UGGT2: variants seen among roughly 807,000 people sequenced by gnomAD.
The protein encoded by UGGT2 is UDP-glucose glycoprotein glucosyltransferase 2, also known as UDP-glucose:glycoprotein glucosyltransferase 2.
In UGGT2, 180 loss-of-function variants were observed where a neutral mutation model predicts 192.1. The ratio of observed to expected loss-of-function variants is 0.94; its 90% CI spans 0.83 to 1.06. The LOEUF (loss-of-function observed/expected upper bound fraction) is 1.06, where lower values mean the gene tolerates loss of function less well. Among genes scored for constraint, UGGT2 ranks in the 50% least tolerant of loss-of-function variants. The probability of loss-of-function intolerance (pLI) is 0.00; values close to 1 mark genes in which losing one functional copy is unlikely to be tolerated. For synonymous variants in UGGT2, 580 were observed against 591.0 expected, an observed-to-expected ratio of 0.98 and a Z score of 0.27; for missense variants, 1,849 against 1,795.7, an observed-to-expected ratio of 1.03 and a Z score of -0.54.
At chr13:95,968,108 A>G (rs1054046752) in intron 12 of UGGT2, among the ~76,000 whole-genome samples, 1 of 152,098 alleles carries the variant, frequency 6.6e-6, no homozygotes, top group African/African-American at 2.4e-5. Flanking sequence ...AATTATATTG[A>G]TCATGTTGTA....
At chr13:95,995,558 T>G (rs1162674447) in intron 7 of UGGT2, among the ~76,000 whole-genome samples, 3 of 152,054 alleles carry the variant, frequency 2.0e-5, no homozygotes, top group Non-Finnish European at 4.4e-5. Flanking sequence ...TTATCAACTA[T>G]TTTCCTGAAA....
intron 12 of UGGT2, among the ~76,000 whole-genome samples, chr13:95,965,644 A>G (rs1384763774): frequency 7.0e-6 from 1 of 143,382 alleles, no homozygotes; most frequent in African/African-American, 2.5e-5. Context: ...CTAATGCTAA[A>G]TGACGAGTTA....
At chr13:95,908,068 C>G (rs1176700444) in intron 20 of UGGT2, among the ~76,000 whole-genome samples, 3 of 152,106 alleles carry the variant, frequency 2.0e-5, no homozygotes, top group Non-Finnish European at 4.4e-5. Context: ...CGTGATGGAG[C>G]TGAAAACCAT....
At position 95,863,700 on chromosome 13, in the gene UGGT2, T is replaced by G; in HGVS notation, c.3573A>C (p.Thr1191=). ...KILKVKVKKE[T]DKIKEDILTD... is the part of the protein sequence containing the mutation. ...TAAGGATATCTTCCTTAATTTTGTC[T>G]GTTTCTTTTTTCACCTAGATAGCAT... Residue 1191 remains threonine, a synonymous_variant, in exon 31 of 39, where the codon ACA becomes ACC. Transcript: ENST00000376747. 6.2e-7 allele frequency: 1 copy of G among 1,612,642 alleles called. No homozygotes were observed. The highest frequency in any genetic ancestry group is 8.5e-7 in the Non-Finnish European group (1 of 1,179,044).
chr13:95,976,976 C>T (rs959132475), intron 10 of UGGT2, among the ~76,000 whole-genome samples: 7 of 152,086 alleles, frequency 4.6e-5, no homozygotes, highest in Admixed American at 4.6e-4. Context: ...ATAAATGGTG[C>T]TAGGAAAACT....
chr13:95,964,421 G>C (rs1208900501), intron 12 of UGGT2, among the ~76,000 whole-genome samples: 3 of 152,066 alleles, frequency 2.0e-5, no homozygotes, highest in South Asian at 2.1e-4. Context: ...AAGATTTTAT[G>C]GCTAAGACCT....
At chr13:95,897,323 TG>T (rs1259387808) in intron 22 of UGGT2, among the ~76,000 whole-genome samples, 1 of 152,248 alleles carries the variant, frequency 6.6e-6, no homozygotes. Context: ...ACCCTGCTTT[TG>T]TTCCCTACTC....
At chr13:95,999,379 C>T (rs1190655644) in intron 5 of UGGT2, 72 bp from the exon 6 acceptor site, 22 of 1,362,874 alleles carry the variant, frequency 1.6e-5, no homozygotes, top group African/African-American at 5.8e-5. Context: ...GTCAGTACCA[C>T]GATGTATTTG....
At chr13:96,031,219 A>C (rs566141830) in intron 2 of UGGT2, among the ~76,000 whole-genome samples, 1 of 152,248 alleles carries the variant, frequency 6.6e-6, no homozygotes, top group Non-Finnish European at 1.5e-5. Flanking sequence ...CTCTAAAAAA[A>C]TTAAGTCTAC....
chr13:96,035,128 C>A (rs1409651870), intron 1 of UGGT2, among the ~76,000 whole-genome samples: 2 of 152,148 alleles, frequency 1.3e-5, no homozygotes, highest in Non-Finnish European at 2.9e-5. Context: ...GCAAAAAGAA[C>A]AAAGCTGGAG....
At chr13:95,801,942 T>C in intron 38 of UGGT2, 130 bp from the exon 39 acceptor site, 1 of 969,884 alleles carries the variant, frequency 1.0e-6, no homozygotes, top group Non-Finnish European at 1.6e-6. Context: ...AGTACCTATA[T>C]GCTTCATTAC....
rs1050972164 is a variant in UGGT2 at position 96,053,226 on chromosome 13, G to A, written c.87C>T (p.Val29=). The change falls in exon 1 of 39, where the codon GTC becomes GTT. Residue 29 remains valine (V), a synonymous_variant. Transcript: ENST00000376747. Reference sequence around the variant, plus strand: ...GGGCAGTCACCGACTTGGACGCGGCGACCGTCCCGGAGCCGAGCTGCGAAA... The same window carrying A: ...GGGCAGTCACCGACTTGGACGCGGCAACCGTCCCGGAGCCGAGCTGCGAAA... ...LWLSQLGSGT[V]AASKSVTAHL... 14 of 1,541,746 alleles carry A rather than the reference G, an allele frequency of 9.1e-6. No individual in the cohort carries two copies. The African/African-American group carries it at 1.8e-4, about 20-fold the overall frequency.
intron 38 of UGGT2, among the ~76,000 whole-genome samples, chr13:95,827,712 A>T (rs1163101706): frequency 6.6e-6 from 1 of 152,084 alleles, no homozygotes. Context: ...TCTGGACAGA[A>T]GTATGGTTAA....
At chr13:95,955,486 C>T (rs1367073872) in intron 12 of UGGT2, among the ~76,000 whole-genome samples, 4 of 152,152 alleles carry the variant, frequency 2.6e-5, no homozygotes, top group Admixed American at 6.5e-5. Flanking sequence ...TCATAAGGTT[C>T]TTTTCTGTTA....
At chr13:95,956,125 T>C (rs758202572) in intron 12 of UGGT2, among the ~76,000 whole-genome samples, 6 of 152,116 alleles carry the variant, frequency 3.9e-5, no homozygotes, top group Non-Finnish European at 5.9e-5. Context: ...TAAAGAAGTA[T>C]AAAGTTGGAG....
At chr13:96,041,001 G>A (rs538020177) in intron 1 of UGGT2, among the ~76,000 whole-genome samples, 7 of 152,276 alleles carry the variant, frequency 4.6e-5, no homozygotes, top group African/African-American at 1.7e-4. Flanking sequence ...AATAAAAACC[G>A]TTTTAGCCTC....
chr13:95,865,139 A>G (rs1168208951), intron 30 of UGGT2, among the ~76,000 whole-genome samples: 2 of 151,690 alleles, frequency 1.3e-5, no homozygotes, highest in African/African-American at 2.4e-5. Context: ...TAATTTGTGG[A>G]CTCTTTTGAC....
In UGGT2 at chr13:96,010,716, C is replaced by T. The variant is rs144507842; in HGVS notation, c.660+2591G>A. On this transcript the variant is annotated intron_variant, in intron 5 of 38. Transcript: ENST00000376747. Reference sequence around the variant, plus strand: ...CTCCCACAAATTTAATTTATATGTTCAATGTAATCTCAATCAAAATGCCAG... The same window carrying T: ...CTCCCACAAATTTAATTTATATGTTTAATGTAATCTCAATCAAAATGCCAG... Among the ~76,000 whole-genome samples the T allele has an allele frequency of 3.1e-3, 479 of 152,178 alleles. 3 individuals are homozygous for T. Among genetic ancestry groups the T allele is most frequent in the African/African-American group, 0.011 (457 of 41,548 alleles).
At chr13:95,891,051 A>G (rs2047787591) in intron 24 of UGGT2, 87 bp from the exon 25 acceptor site, 1 of 965,160 alleles carries the variant, frequency 1.0e-6, no homozygotes, top group Non-Finnish European at 1.5e-6. Flanking sequence ...ATTCTTATAA[A>G]TTGTTTTCTT....
Sources: gnomAD v4.1 joint callset for allele counts (sites outside exome capture counted in the v4.1 genomes callset) on GRCh38, gnomAD v4.1.1 for gene constraint, MANE v1.5 for transcripts, NCBI Gene and HGNC (gene_info 2026-07-23, HGNC 2026-07-21) for gene names.